The following MYT1L variants were observed in gnomAD, a reference collection of about 807,000 sequenced individuals.
The protein encoded by MYT1L is myelin transcription factor 1-like protein.
Under a neutral mutation model 126.7 loss-of-function variants are expected in MYT1L, and 12 were observed. The observed-to-expected ratio is 0.09, with a 90% CI of 0.06 to 0.15. The LOEUF is 0.15. Among genes scored for constraint, MYT1L ranks in the 10% least tolerant of loss-of-function variants. The pLI, the probability that MYT1L is intolerant of heterozygous loss-of-function variation, is 1.00. For synonymous variants in MYT1L, 541 were observed against 604.2 expected, an observed-to-expected ratio of 0.90 and a Z score of 1.53; for missense variants, 979 against 1,585.2, an observed-to-expected ratio of 0.62 and a Z score of 6.49.
At chr2:2,118,575 G>A (rs907440750) in intron 3 of MYT1L, among the ~76,000 whole-genome samples, 3 of 152,186 alleles carry the variant, frequency 2.0e-5, no homozygotes, top group Non-Finnish European at 4.4e-5. Context: ...ATGTGGTTAT[G>A]CCTTGTGCTT....
intron 3 of MYT1L, among the ~76,000 whole-genome samples, chr2:2,063,629 C>A (rs1315675925): frequency 2.0e-5 from 3 of 152,076 alleles, no homozygotes; most frequent in Non-Finnish European, 4.4e-5. Context: ...GGATCACCTG[C>A]GGTCGGGAGT....
intron 4 of MYT1L, among the ~76,000 whole-genome samples, chr2:2,010,005 G>A (rs944885998): frequency 6.7e-6 from 1 of 148,740 alleles, no homozygotes; most frequent in African/African-American, 2.5e-5. Flanking sequence ...TTCTGTTAAT[G>A]GGATGCATCA....
chr2:2,305,744 C>T (rs1452885558), intron 1 of MYT1L, among the ~76,000 whole-genome samples: 1 of 152,098 alleles, frequency 6.6e-6, no homozygotes, highest in Non-Finnish European at 1.5e-5. Context: ...TGCATCTTCA[C>T]GTGGTGGAAG....
At chr2:2,093,419 A>AT (rs1382900518) in intron 3 of MYT1L, among the ~76,000 whole-genome samples, 2 of 151,224 alleles carry the variant, frequency 1.3e-5, no homozygotes, top group African/African-American at 4.9e-5. Flanking sequence ...AAAAAAAAAG[A>AT]TTATCAGAAA....
chr2:1,800,854 G>A (rs1035285251), intron 23 of MYT1L, among the ~76,000 whole-genome samples: 3 of 151,892 alleles, frequency 2.0e-5, no homozygotes, highest in Admixed American at 1.3e-4. Flanking sequence ...AGCATCCCCC[G>A]AGAACCTCAT....
At chr2:1,952,740 C>CTTCCT (rs1553350456) in intron 8 of MYT1L, among the ~76,000 whole-genome samples, 2 of 59,268 alleles carry the variant, frequency 3.4e-5, no homozygotes, top group African/African-American at 7.8e-5. Context: ...TCCCTCCTTC[C>CTTCCT]TTCCCTTCCC....
chr2:1,915,670 A>T (rs966510041), intron 11 of MYT1L, among the ~76,000 whole-genome samples: 1 of 152,206 alleles, frequency 6.6e-6, no homozygotes, highest in Non-Finnish European at 1.5e-5. Flanking sequence ...GTGTGTTCAG[A>T]CAGAAACTGG....
chr2:1,902,787 A>T (rs1471255614), intron 14 of MYT1L: 2 of 402,810 alleles, frequency 5.0e-6, no homozygotes, highest in Non-Finnish European at 9.2e-6. Flanking sequence ...ACCACAAAAG[A>T]CAATAAGCCA....
At chr2:2,073,147 A>T (rs1356869215) in intron 3 of MYT1L, among the ~76,000 whole-genome samples, 2 of 152,170 alleles carry the variant, frequency 1.3e-5, no homozygotes, top group Admixed American at 1.3e-4. Flanking sequence ...ATCACCTTAC[A>T]GGTTAGGATA....
rs183703030 is a variant in MYT1L, at chr2:1,975,732, C to T, written c.152+3433G>A. Among the ~76,000 whole-genome samples the T allele has an allele frequency of 2.2e-3, 329 of 152,154 alleles. 4 individuals carry two copies. The highest frequency in any genetic ancestry group is 6.6e-4 in the Non-Finnish European group (45 of 68,016). On this transcript the variant is annotated intron_variant, in intron 8 of 24. Transcript: ENST00000647738. ...TACAAAAATTAGCTGGGCGTGGTGG[C>T]GCACACTTGTAATCCCAGCTACTTG...
chr2:2,065,821 T>TACACAC (rs1491240885), intron 3 of MYT1L, among the ~76,000 whole-genome samples: 38 of 119,716 alleles, frequency 3.2e-4, no homozygotes, highest in African/African-American at 1.3e-3. Context: ...CTCTCTCTTT[T>TACACAC]ATACACACAC....
intron 22 of MYT1L, 93 bp downstream of exon 22, chr2:1,808,983 G>T: frequency 1.8e-6 from 2 of 1,094,294 alleles, no homozygotes; most frequent in South Asian, 1.3e-5. Context: ...TAAGAAAAGT[G>T]AGCTGTAACT....
chr2:2,200,986 T>A (rs1031528911), intron 2 of MYT1L, among the ~76,000 whole-genome samples: 12 of 152,228 alleles, frequency 7.9e-5, no homozygotes, highest in African/African-American at 2.7e-4. Flanking sequence ...AGCACATTAA[T>A]CTTTACTCAG....
intron 3 of MYT1L, among the ~76,000 whole-genome samples, chr2:2,065,442 G>A (rs1574937303): frequency 6.6e-6 from 1 of 152,126 alleles, no homozygotes; most frequent in East Asian, 1.9e-4. Flanking sequence ...CAAAGAGGCA[G>A]TCCTTCCCAA....
chr2:2,241,615 T>G (rs1383975354), intron 2 of MYT1L, among the ~76,000 whole-genome samples: 1 of 152,186 alleles, frequency 6.6e-6, no homozygotes, highest in East Asian at 1.9e-4. Context: ...CTTTCTTATA[T>G]TTTTGTTTGT....
intron 2 of MYT1L, among the ~76,000 whole-genome samples, chr2:2,202,996 A>C (rs987548112): frequency 6.6e-6 from 1 of 151,668 alleles, no homozygotes; most frequent in African/African-American, 2.4e-5. Flanking sequence ...GTAATCCATC[A>C]TATAAACAGA....
Position 2,104,848 on chromosome 2 carries a change from A to G in MYT1L, c.-303-50725T>C, listed in dbSNP as rs2078550223. Among the ~76,000 whole-genome samples the G allele has an allele frequency of 2.0e-5, 3 of 152,292 alleles. No homozygotes were observed. The South Asian group carries it at 6.2e-4, about 32-fold the overall frequency. On this transcript the variant is annotated intron_variant, in intron 3 of 24. Transcript: ENST00000647738. ...TGCTGTTTCTGGCCTTTGCTGCTAG[A>G]AAGACTCCTGTTCTCATCCGAAGTT...
intron 3 of MYT1L, among the ~76,000 whole-genome samples, chr2:2,139,628 C>T (rs2083642572): frequency 6.6e-6 from 1 of 151,350 alleles, no homozygotes; most frequent in African/African-American, 2.4e-5. Context: ...GACAGAGCGA[C>T]ACTCCATCTC....
intron 1 of MYT1L, chr2:2,325,594 G>A (rs1311163520): frequency 3.9e-5 from 6 of 152,196 alleles, no homozygotes; most frequent in Non-Finnish European, 8.8e-5. Flanking sequence ...AGCCACAGAT[G>A]TTTTACTCTG....
Sources: allele counts gnomAD v4.1 joint callset (sites outside exome capture counted in the v4.1 genomes callset), GRCh38; gene constraint gnomAD v4.1.1; transcripts MANE v1.5; gene names NCBI Gene and HGNC (gene_info 2026-07-23, HGNC 2026-07-21).